The following G3BP2 variants were observed in gnomAD, a reference collection of about 807,000 sequenced individuals.
G3BP2 encodes the protein ras GTPase-activating protein-binding protein 2.
A neutral mutation model predicts 56.7 loss-of-function variants in G3BP2; 11 were observed. That is an observed-to-expected ratio of 0.19 (90% CI 0.12 to 0.32). The LOEUF is 0.32. G3BP2 is among the 10% of genes least tolerant of loss of function. The probability of loss-of-function intolerance (pLI) is 1.00; values close to 1 mark genes in which losing one functional copy is unlikely to be tolerated. For synonymous variants in G3BP2, 165 were observed against 191.6 expected (o/e 0.86, Z 1.15); for missense variants, 340 against 610.9 (o/e 0.56, Z 4.67).
At chr4:75,678,301 TGTG>T, upstream of G3BP2, among the ~76,000 whole-genome samples, 2 of 21,388 alleles carry the variant, frequency 9.4e-5, 1 homozygote, top group South Asian at 1.7e-3. Context: ...CTAGCTTGTG[TGTG>T]TGTGTGTGTG....
chr4:75,677,901 G>A (rs1733936601), upstream of G3BP2, among the ~76,000 whole-genome samples: 1 of 152,188 alleles, frequency 6.6e-6, no homozygotes, highest in Non-Finnish European at 1.5e-5. Flanking sequence ...GCGGCAACTA[G>A]GTCATGAGGG....
chr4:75,714,136 C>A (rs539272132), intron 3 of G3BP2, among the ~76,000 whole-genome samples: 31 of 152,216 alleles, frequency 2.0e-4, no homozygotes, highest in South Asian at 8.3e-4. Context: ...GGGACTACTG[C>A]CAAAATTTGA....
intron 3 of G3BP2, among the ~76,000 whole-genome samples, chr4:75,715,302 G>GAA (rs5859472): frequency 1.5e-4 from 22 of 151,268 alleles, no homozygotes; most frequent in East Asian, 5.8e-4. Context: ...AGTACTGAAG[G>GAA]AAAAAAAAAC....
At chr4:75,657,865 T>G in intron 3 of G3BP2, 135 bp from the exon 4 acceptor site, 1 of 587,960 alleles carries the variant, frequency 1.7e-6, no homozygotes, top group East Asian at 2.9e-5. Flanking sequence ...CCAACGACCA[T>G]GCTGTGCATC....
chr4:75,668,524 C>T (rs1308119544), intron 1 of G3BP2, among the ~76,000 whole-genome samples: 1 of 152,066 alleles, frequency 6.6e-6, no homozygotes, highest in Non-Finnish European at 1.5e-5. Flanking sequence ...AAGAATAACG[C>T]GAGTTGTCCA....
At chr4:75,660,155 C>T (rs1732434007) in intron 2 of G3BP2, among the ~76,000 whole-genome samples, 1 of 151,992 alleles carries the variant, frequency 6.6e-6, no homozygotes, top group Non-Finnish European at 1.5e-5. Context: ...TGGTGTAGGG[C>T]CTTATTGTTT....
At position 75,673,391 on chromosome 4, in the gene G3BP2, G is replaced by A. The variant is rs1227188402; in HGVS notation, c.-208C>T. On this transcript the variant is annotated 5_prime_UTR_variant, in exon 1 of 12. It adds an upstream start codon to the 5' untranslated region. Transcript: ENST00000359707. ...CTTCCCGGGCGCCAGGCGCTGCGAC[G>A]TGCGACAAGGACCACGGACGTCCCG... The A allele has an allele frequency of 2.4e-6, 3 of 1,232,200 alleles. No homozygotes were observed. Among genetic ancestry groups the A allele is most frequent in the Admixed American group, 4.2e-5 (1 of 23,728 alleles). 76.3% of individuals were successfully genotyped at this position (1,232,200 alleles called of 1,614,324 possible). A position where few individuals can be genotyped will look rare whatever the true frequency, so the allele number is the denominator to read the frequency against.
chr4:75,652,561 G>A (rs1731776798), intron 8 of G3BP2, among the ~76,000 whole-genome samples: 1 of 152,156 alleles, frequency 6.6e-6, no homozygotes, highest in African/African-American at 2.4e-5. Flanking sequence ...GGTGGAGGTT[G>A]CAGTGAGCTA....
At chr4:75,691,102 C>T (rs1718838023) in intron 3 of G3BP2, among the ~76,000 whole-genome samples, 1 of 150,062 alleles carries the variant, frequency 6.7e-6, no homozygotes, top group Admixed American at 6.7e-5. Flanking sequence ...TTTTTTGAGA[C>T]AGACTCTTGA....
At position 75,693,454 on chromosome 4, in the gene G3BP2, C is replaced by G. The variant is rs186371253; in HGVS notation, c.-25+27423G>C. 1.6e-3 allele frequency among the ~76,000 whole-genome samples: 249 copies of G among 151,924 alleles called. No individual in the cohort carries two copies. In the Middle Eastern group the frequency reaches 0.02, roughly 12 times the overall value. On this transcript the variant is annotated intron_variant, in intron 3 of 3. Coordinates refer to the G3BP2 transcript ENST00000499709. The stretch of plus-strand genomic sequence containing the variant: ...CCACCTGCTTCACTGTATTGACTGG[C>G]CAGCCTCTCCAGGTATCTGAGTTTT...
intron 3 of G3BP2, among the ~76,000 whole-genome samples, chr4:75,699,612 T>C (rs1719259790): frequency 6.6e-6 from 1 of 152,256 alleles, no homozygotes; most frequent in Non-Finnish European, 1.5e-5. Context: ...TTGTAAAGTG[T>C]TTATTAGATT....
chr4:75,719,488 A>C (rs1015560095), intron 3 of G3BP2, among the ~76,000 whole-genome samples: 15 of 152,166 alleles, frequency 9.9e-5, no homozygotes, highest in African/African-American at 3.6e-4. Context: ...TCCCAAAAAC[A>C]ACCACAGGAG....
intron 2 of G3BP2, among the ~76,000 whole-genome samples, chr4:75,659,330 GGAATCAGAGTTTAATACTGTATCCA>G (rs1732363883): frequency 6.6e-6 from 1 of 151,928 alleles, no homozygotes; most frequent in Non-Finnish European, 1.5e-5. Context: ...GATTTGTTTG[GGAATCAGAGTTTAATACTGTATCCA>G]GATCTCCAAA....
In G3BP2 at chr4:75,647,022, C is replaced by A; in HGVS notation, c.1057+7G>T. The A allele has an allele frequency of 6.4e-7, 1 of 1,561,354 alleles. No homozygotes were observed. ...TAAAAACTCCAACAGCAAAATAAAT[C>A]ACTTACTCATGAAGAATTCCTTTAG... On this transcript the variant is annotated splice_region_variant and intron_variant, in intron 10 of 11. Transcript: ENST00000359707.
At chr4:75,703,126 G>C (rs1164650215) in intron 3 of G3BP2, among the ~76,000 whole-genome samples, 1 of 152,232 alleles carries the variant, frequency 6.6e-6, no homozygotes, top group Non-Finnish European at 1.5e-5. Context: ...CCTTCTGATT[G>C]TAATCTGGCT....
intron 1 of G3BP2, among the ~76,000 whole-genome samples, chr4:75,663,559 A>C (rs1732737978): frequency 6.6e-6 from 1 of 152,106 alleles, no homozygotes; most frequent in Non-Finnish European, 1.5e-5. Flanking sequence ...CTTATCATTT[A>C]CTGTAGGAAT....
At chr4:75,678,867 T>C (rs1733974045) in intron 3 of G3BP2, among the ~76,000 whole-genome samples, 1 of 152,218 alleles carries the variant, frequency 6.6e-6, no homozygotes, top group South Asian at 2.1e-4. Context: ...TAACAGTGTC[T>C]GGCACATGGT....
chr4:75,647,677 A>G (rs1731333264), intron 9 of G3BP2, among the ~76,000 whole-genome samples: 1 of 152,236 alleles, frequency 6.6e-6, no homozygotes, highest in African/African-American at 2.4e-5. Context: ...GAACACAGTG[A>G]GGAAAATAGG....
Position 75,644,878 on chromosome 4 carries a change from T to C in G3BP2, c.*552A>G, listed in dbSNP as rs1014612790. ...CATCATTTCACAAACTATTTTCTAC[T>C]GGAAAAGAAGATGAGATTTTTTCCC... On this transcript the variant is annotated 3_prime_UTR_variant, in exon 12 of 12. Transcript: ENST00000359707. 6.5e-6 allele frequency: 1 copy of C among 153,140 alleles called. No homozygotes were observed. Among genetic ancestry groups the C allele is most frequent in the African/African-American group, 2.4e-5 (1 of 41,476 alleles). 9.5% of individuals were successfully genotyped at this position (153,140 alleles called of 1,614,324 possible). A position where few individuals can be genotyped will look rare whatever the true frequency, so the allele number is the denominator to read the frequency against.
Sources: gnomAD v4.1 joint callset for allele counts (sites outside exome capture counted in the v4.1 genomes callset) on GRCh38, gnomAD v4.1.1 for gene constraint, MANE v1.5 for transcripts, NCBI Gene and HGNC (gene_info 2026-07-23, HGNC 2026-07-21) for gene names.